DGKG: variants seen among roughly 807,000 people sequenced by gnomAD.
The protein encoded by DGKG is diacylglycerol kinase gamma, also known as DAG kinase gamma.
A neutral mutation model predicts 105.3 loss-of-function variants in DGKG; 78 were observed. The observed-to-expected ratio is 0.74, with a 90% CI of 0.62 to 0.89. DGKG has a LOEUF of 0.89. Ranked by LOEUF, DGKG falls within the 40% of genes least tolerant of loss-of-function variation. The pLI, the probability that DGKG is intolerant of heterozygous loss-of-function variation, is 0.00. For missense variants in DGKG, 958 were observed against 1,020.1 expected, an observed-to-expected ratio of 0.94 and a Z score of 0.83; for synonymous variants, 346 against 367.1, an observed-to-expected ratio of 0.94 and a Z score of 0.66.
chr3:186,201,671 C>T (rs1212107368), intron 21 of DGKG, among the ~76,000 whole-genome samples: 4 of 152,194 alleles, frequency 2.6e-5, no homozygotes, highest in African/African-American at 9.7e-5. Context: ...AGGTGGGCCC[C>T]TTTTTCTGGT....
intron 2 of DGKG, among the ~76,000 whole-genome samples, chr3:186,318,563 G>C (rs1724924407): frequency 6.6e-6 from 1 of 152,166 alleles, no homozygotes; most frequent in East Asian, 1.9e-4. Flanking sequence ...AATTAGTTAA[G>C]ATGAAGTCAT....
At chr3:186,246,133 G>A (rs527552529) in intron 19 of DGKG, among the ~76,000 whole-genome samples, 8 of 152,118 alleles carry the variant, frequency 5.3e-5, no homozygotes, top group African/African-American at 1.7e-4. Flanking sequence ...CACCACGTCT[G>A]GCTAATTTTT....
rs930994787 is a variant in DGKG, at chr3:186,257,650, T to C, written c.1510+204A>G. On this transcript the variant is annotated intron_variant, in intron 17 of 24. Coordinates refer to ENST00000265022, the MANE Select transcript of DGKG (RefSeq NM_001346.3). ...GCCTGAAACTAAACTGTTACCTCCG[T>C]ATTGGAGGGAATCATTCGATTGTCT... is the stretch of plus-strand genomic sequence containing the variant. 6 of 505,560 alleles carry C rather than the reference T, an allele frequency of 1.2e-5. No individual in the cohort carries two copies. The Admixed American group carries it at 2.0e-4, about 17-fold the overall frequency. 31.3% of individuals were successfully genotyped at this position (505,560 alleles called of 1,614,324 possible).
intron 1 of DGKG, among the ~76,000 whole-genome samples, chr3:186,339,563 A>C (rs1438150646): frequency 6.6e-6 from 1 of 152,210 alleles, no homozygotes; most frequent in Non-Finnish European, 1.5e-5. Context: ...AAATACAGCT[A>C]ATGGGTTCCT....
chr3:186,250,557 C>CTTT (rs10529645), intron 19 of DGKG, among the ~76,000 whole-genome samples: 1 of 116,178 alleles, frequency 8.6e-6, no homozygotes, highest in African/African-American at 3.3e-5. Context: ...TTCTGTCATT[C>CTTT]TTTTTTTTTT....
intron 1 of DGKG, among the ~76,000 whole-genome samples, chr3:186,323,240 T>C (rs1011534433): frequency 1.3e-5 from 2 of 152,198 alleles, no homozygotes; most frequent in African/African-American, 2.4e-5. Context: ...AGTACGAAAG[T>C]GAGGAGTATC....
intron 20 of DGKG, among the ~76,000 whole-genome samples, chr3:186,232,354 T>G (rs1489286878): frequency 2.6e-5 from 4 of 152,216 alleles, no homozygotes; most frequent in Non-Finnish European, 5.9e-5. Flanking sequence ...AATTGTGCAA[T>G]TAAAATGCTG....
intron 7 of DGKG, among the ~76,000 whole-genome samples, chr3:186,283,810 C>T (rs1578774537): frequency 6.6e-6 from 1 of 152,362 alleles, no homozygotes; most frequent in South Asian, 2.1e-4. Context: ...CTGGAGGGAT[C>T]CCATAGAGGC....
Position 186,320,708 on chromosome 3 carries a change from C to T in DGKG, c.-248-1G>A. On this transcript the variant is annotated splice_acceptor_variant, in intron 1 of 24. Coordinates refer to ENST00000265022, the MANE Select transcript of DGKG (RefSeq NM_001346.3). LOFTEE classifies it low-confidence loss of function (5UTR_SPLICE). ...GTAAATTCAGAAGTCCTGGCTCTTCCTAGATAGAAGCAGAAAAGACATTGT... is the reference window on the plus strand; with the variant it reads ...GTAAATTCAGAAGTCCTGGCTCTTCTTAGATAGAAGCAGAAAAGACATTGT... 1 of 445,248 alleles carries T rather than the reference C, an allele frequency of 2.2e-6. No homozygotes were observed. Among genetic ancestry groups the T allele is most frequent in the Non-Finnish European group, 3.9e-6 (1 of 259,664 alleles). 27.6% of individuals were successfully genotyped at this position (445,248 alleles called of 1,614,324 possible).
chr3:186,341,606 A>G (rs1170368424), intron 1 of DGKG, among the ~76,000 whole-genome samples: 1 of 152,254 alleles, frequency 6.6e-6, no homozygotes, highest in Admixed American at 6.5e-5. Flanking sequence ...ATATGTATAC[A>G]TAATTATAAA....
chr3:186,274,202 T>C (rs1458044603), intron 10 of DGKG, among the ~76,000 whole-genome samples: 1 of 152,162 alleles, frequency 6.6e-6, no homozygotes, highest in Non-Finnish European at 1.5e-5. Context: ...TGTTTTTTGT[T>C]TTTGAGACAG....
At chr3:186,314,216 CACACACACAT>C (rs1207518128) in intron 2 of DGKG, among the ~76,000 whole-genome samples, 13 of 127,820 alleles carry the variant, frequency 1.0e-4, no homozygotes, top group African/African-American at 3.9e-4. Context: ...CACACACACA[CACACACACAT>C]TAATGTATGT....
chr3:186,175,735 G>A (rs144309734), intron 22 of DGKG, among the ~76,000 whole-genome samples: 5 of 152,304 alleles, frequency 3.3e-5, no homozygotes, highest in African/African-American at 4.8e-5. Flanking sequence ...AGCAAGAATC[G>A]ACACATGGGA....
chr3:186,229,334 G>A (rs1175073011), intron 20 of DGKG, among the ~76,000 whole-genome samples: 11 of 151,608 alleles, frequency 7.3e-5, no homozygotes, highest in South Asian at 2.1e-4. Context: ...TCCGCCTCCC[G>A]GGTTCAAGTG....
In DGKG at chr3:186,210,107, G is replaced by C. The variant is rs888693085; in HGVS notation, c.1917+1688C>G. ...CTCTCAAACCCAGAGGGGACTGTGGGGCCTGGAGCCGGGAGGGCAGGCCAG... is the reference window on the plus strand; with the variant it reads ...CTCTCAAACCCAGAGGGGACTGTGGCGCCTGGAGCCGGGAGGGCAGGCCAG... On this transcript the variant is annotated intron_variant, in intron 21 of 24. Coordinates refer to ENST00000265022, the MANE Select transcript of DGKG (RefSeq NM_001346.3). This position sits in a 1 kb window ranked among gnomAD's most constrained non-coding sequence, Gnocchi z 5.2. 1.3e-5 allele frequency among the ~76,000 whole-genome samples: 2 copies of C among 152,128 alleles called. No homozygotes were observed. The highest frequency in any genetic ancestry group is 6.5e-5 in the Admixed American group (1 of 15,278).
At chr3:186,176,914 G>A (rs1478776454) in intron 22 of DGKG, among the ~76,000 whole-genome samples, 4 of 152,232 alleles carry the variant, frequency 2.6e-5, no homozygotes, top group Non-Finnish European at 4.4e-5. Context: ...GATGGGGAGA[G>A]GTTTGGGCGT....
At chr3:186,298,309 A>C in intron 3 of DGKG, 80 bp from the exon 4 acceptor site, 2 of 1,392,678 alleles carry the variant, frequency 1.4e-6, no homozygotes, top group Non-Finnish European at 1.9e-6. Flanking sequence ...GGAATAGAAA[A>C]GCTGGCAGGT....
chr3:186,351,546 T>C (rs1726630472), intron 1 of DGKG, among the ~76,000 whole-genome samples: 1 of 152,180 alleles, frequency 6.6e-6, no homozygotes, highest in Admixed American at 6.5e-5. Flanking sequence ...ACTACTGGGT[T>C]CAGTGGTGAC....
chr3:186,242,489 G>C lies in DGKG; in HGVS notation c.1826+15C>G, dbSNP rs115846554. 1.2e-6 allele frequency: 2 copies of C among 1,608,204 alleles called. No individual in the cohort carries two copies. The highest frequency in any genetic ancestry group is 1.7e-6 in the Non-Finnish European group (2 of 1,176,442). ...ACACTGGGTGGGTGGCAGCGCAGCC[G>C]GGCCTGCAGCTTACCTGCTGTTGAA... On this transcript the variant is annotated intron_variant, in intron 20 of 24. Coordinates refer to ENST00000265022, the MANE Select transcript of DGKG (RefSeq NM_001346.3).
Sources: allele counts gnomAD v4.1 joint callset (sites outside exome capture counted in the v4.1 genomes callset), GRCh38; gene constraint gnomAD v4.1.1; non-coding constraint Gnocchi (gnomAD v3.1); transcripts MANE v1.5; gene names NCBI Gene and HGNC (gene_info 2026-07-23, HGNC 2026-07-21).